DCUN1D5: variants seen among roughly 807,000 people sequenced by gnomAD.
DCUN1D5 encodes DCN1-like protein 5.
A neutral mutation model predicts 38.3 loss-of-function variants in DCUN1D5; 10 were observed. The observed-to-expected ratio is 0.26, with a 90% CI of 0.16 to 0.44. The LOEUF is 0.44. Among genes scored for constraint, DCUN1D5 ranks in the 20% least tolerant of loss-of-function variants. The pLI is 1.00. For missense variants in DCUN1D5, 148 were observed against 275.3 expected (o/e 0.54, Z 3.27); for synonymous variants, 93 against 90.9 (o/e 1.02, Z -0.13).
rs1862276188 is a variant in DCUN1D5 at position 103,071,662 on chromosome 11, T to C, written c.342-5095A>G. ...CTACATATGTAACAATTTTTCTACA[T>C]CAAAACTTGGATGAAATGGACCAAT... On this transcript the variant is annotated intron_variant, in intron 4 of 7. Transcript: ENST00000260247. The surrounding 1 kb of genome is among the most constrained non-coding windows in gnomAD (Gnocchi z 4.1). Among the ~76,000 whole-genome samples the C allele has an allele frequency of 6.6e-6, 1 of 150,998 alleles. No individual in the cohort carries two copies. The highest frequency in any genetic ancestry group is 2.4e-5 in the African/African-American group (1 of 41,298).
At chr11:103,082,569 G>A (rs1684318563) in intron 4 of DCUN1D5, among the ~76,000 whole-genome samples, 179 bp downstream of exon 4, 1 of 151,770 alleles carries the variant, frequency 6.6e-6, no homozygotes, top group African/African-American at 2.4e-5. Context: ...ATAAAACATG[G>A]GGTACCTATA....
rs557522612 is a variant in DCUN1D5 at position 103,059,569 on chromosome 11, A to G, written c.*2790T>C. 6.6e-6 allele frequency among the ~76,000 whole-genome samples: 1 copy of G among 152,296 alleles called. No individual in the cohort carries two copies. Among genetic ancestry groups the G allele is most frequent in the South Asian group, 2.1e-4 (1 of 4,830 alleles). On this transcript the variant is annotated 3_prime_UTR_variant, in exon 8 of 8. Transcript: ENST00000260247. The stretch of plus-strand genomic sequence containing the variant: ...CTACTGTCAAAAATGTATTATATCA[A>G]TAATTTTATCAGCAGCATTTAAGAA...
Position 103,066,491 on chromosome 11 carries a change from T to C in DCUN1D5, c.418A>G (p.Asn140Asp). ...AAATCAAAGGCATATCTGTAGATAT[T>C]CTTAAATGACGAAATATCATTCAAC... Reference protein sequence around the residue: ...SQLNDISSFKNIYRYAFDFAR... With the variant: ...SQLNDISSFKDIYRYAFDFAR... The change falls in exon 5 of 8, where the codon AAT (asparagine) becomes GAT (aspartate). Residue 140 changes from asparagine to aspartate, a missense_variant. Transcript: ENST00000260247. The surrounding 1 kb of genome is among the most constrained non-coding windows in gnomAD (Gnocchi z 4.7). 1 of 1,612,182 alleles carries C rather than the reference T, an allele frequency of 6.2e-7. No homozygotes were observed. Among genetic ancestry groups the C allele is most frequent in the Non-Finnish European group, 8.5e-7 (1 of 1,178,966 alleles).
chr11:103,060,321 G>T lies in DCUN1D5; in HGVS notation c.*2038C>A, dbSNP rs1028222966. Reference sequence around the variant, plus strand: ...TTTTCAGACTCAAAAAGTCTTAAAGGTATCTTTGGATAAGTATGCAAAGTA... The same window carrying T: ...TTTTCAGACTCAAAAAGTCTTAAAGTTATCTTTGGATAAGTATGCAAAGTA... On this transcript the variant is annotated 3_prime_UTR_variant, in exon 8 of 8. Transcript: ENST00000260247. 3.3e-5 allele frequency among the ~76,000 whole-genome samples: 5 copies of T among 152,136 alleles called. No homozygotes were observed. The highest frequency in any genetic ancestry group is 2.6e-4 in the Admixed American group (4 of 15,264).
intron 4 of DCUN1D5, among the ~76,000 whole-genome samples, chr11:103,068,929 T>G (rs1017756386): frequency 1.3e-5 from 2 of 152,198 alleles, no homozygotes; most frequent in Non-Finnish European, 2.9e-5. Flanking sequence ...AAGAACTGTT[T>G]TGAAGGAGTG....
rs1861851106 is a variant in DCUN1D5, at chr11:103,055,456, CTG to C, written c.*6901_*6902del. 6.6e-6 allele frequency: 1 copy of C among 152,088 alleles called. No homozygotes were observed. The highest frequency in any genetic ancestry group is 1.9e-4 in the East Asian group (1 of 5,196). 9.4% of individuals were successfully genotyped at this position (152,088 alleles called of 1,614,324 possible). On this transcript the variant is annotated 3_prime_UTR_variant, in exon 8 of 8. Transcript: ENST00000260247. ...ATGTTGTTATTCTTAATATAAAAAA[CTG>C]TATTACTTCAAAACAAAAACTTTAT...
chr11:103,072,426 A>G (rs1013069821), intron 4 of DCUN1D5, among the ~76,000 whole-genome samples: 2 of 150,612 alleles, frequency 1.3e-5, no homozygotes, highest in African/African-American at 4.9e-5. Context: ...TACCCAAAGG[A>G]TTATAAATCA....
In DCUN1D5 at chr11:103,073,340, CAA is replaced by C. The variant is rs1359955013; in HGVS notation, c.342-6775_342-6774del. ...CAATATCAGGAATATTAAGAGTATT[CAA>C]AGACTCAAAACAGTAAAAATGTCAA... On this transcript the variant is annotated intron_variant, in intron 4 of 7. Transcript: ENST00000260247. This position sits in a 1 kb window ranked among gnomAD's most constrained non-coding sequence, Gnocchi z 4.2. 1.3e-5 allele frequency among the ~76,000 whole-genome samples: 2 copies of C among 152,184 alleles called. No homozygotes were observed. The highest frequency in any genetic ancestry group is 3.9e-4 in the East Asian group (2 of 5,184).
In DCUN1D5 at chr11:103,091,919, T is replaced by A. The variant is rs372772599; in HGVS notation, c.-47A>T. On this transcript the variant is annotated 5_prime_UTR_variant, in exon 1 of 8. Coordinates refer to ENST00000260247, the MANE Select transcript of DCUN1D5 (RefSeq NM_032299.4). The surrounding 1 kb of genome is among the most constrained non-coding windows in gnomAD (Gnocchi z 4.3). ...TGGGCAGGGGAGCCGGGGAAGGGGGTCCCTGTCCGCTGGAAGCCCCTCAGC... is the reference window on the plus strand; with the variant it reads ...TGGGCAGGGGAGCCGGGGAAGGGGGACCCTGTCCGCTGGAAGCCCCTCAGC... 3.2e-5 allele frequency: 50 copies of A among 1,559,950 alleles called. No individual in the cohort carries two copies. The African/African-American group carries it at 6.5e-4, about 20-fold the overall frequency.
intron 4 of DCUN1D5, among the ~76,000 whole-genome samples, chr11:103,069,923 G>A (rs1862229632): frequency 6.6e-6 from 1 of 151,948 alleles, no homozygotes; most frequent in Non-Finnish European, 1.5e-5. Context: ...AAAATATCCA[G>A]GTTTCAATTT....
At chr11:103,068,900 T>A (rs1341286669) in intron 4 of DCUN1D5, among the ~76,000 whole-genome samples, 1 of 152,126 alleles carries the variant, frequency 6.6e-6, no homozygotes, top group African/African-American at 2.4e-5. Context: ...CAGTATTTAC[T>A]TGTATATGAC....
intron 4 of DCUN1D5, among the ~76,000 whole-genome samples, chr11:103,070,728 C>G (rs1487150223): frequency 6.6e-6 from 1 of 152,124 alleles, no homozygotes; most frequent in African/African-American, 2.4e-5. Context: ...CAGGATCTAG[C>G]TGAACTTAGT....
In DCUN1D5 at chr11:103,062,214, C is replaced by A; in HGVS notation, c.*145G>T. ...GCCCATCACATGTAACAAGAAAAAC[C>A]TCCTTTAAAAAAAGGAAAAAAAAGT... On this transcript the variant is annotated 3_prime_UTR_variant, in exon 8 of 8. Coordinates refer to ENST00000260247, the MANE Select transcript of DCUN1D5 (RefSeq NM_032299.4). This position sits in a 1 kb window ranked among gnomAD's most constrained non-coding sequence, Gnocchi z 4.6. 2 of 718,748 alleles carry A rather than the reference C, an allele frequency of 2.8e-6. No homozygotes were observed. The highest frequency in any genetic ancestry group is 2.4e-4 in the Middle Eastern group (1 of 4,142). The allele number at this position is 718,748 out of a possible 1,614,324, so 44.5% of individuals were successfully genotyped here.
rs1862060433 is a variant in DCUN1D5, at chr11:103,063,401, G to A, written c.658+874C>T. 6.6e-6 allele frequency among the ~76,000 whole-genome samples: 1 copy of A among 151,984 alleles called. No homozygotes were observed. The highest frequency in any genetic ancestry group is 2.4e-5 in the African/African-American group (1 of 41,396). On this transcript the variant is annotated intron_variant, in intron 7 of 7. Transcript: ENST00000260247. This position sits in a 1 kb window ranked among gnomAD's most constrained non-coding sequence, Gnocchi z 4.6. ...ATCTACGGGCCATATACAGCCTTTG[G>A]GCTGCCAGGTTACTGCTGCTAGGTA...
rs1861836662 is a variant in DCUN1D5 at position 103,054,933 on chromosome 11, G to A, written c.*7426C>T. 6.6e-6 allele frequency: 1 copy of A among 152,114 alleles called. No homozygotes were observed. The highest frequency in any genetic ancestry group is 1.5e-5 in the Non-Finnish European group (1 of 68,012). The allele number at this position is 152,114 out of a possible 1,614,324, so 9.4% of individuals were successfully genotyped here. On this transcript the variant is annotated 3_prime_UTR_variant, in exon 8 of 8. Transcript: ENST00000260247. ...AGAAACAACTGCATTCATTAATTGA[G>A]ATTGAATGTAGGTGCAGGTTGAATA...
Position 103,061,763 on chromosome 11 carries a change from G to T in DCUN1D5, c.*596C>A, listed in dbSNP as rs1446801824. 6.6e-6 allele frequency among the ~76,000 whole-genome samples: 1 copy of T among 152,008 alleles called. No homozygotes were observed. Among genetic ancestry groups the T allele is most frequent in the Admixed American group, 6.6e-5 (1 of 15,250 alleles). ...ATCTTTCCAATTCTAAGCTCTCTGA[G>T]ATAAGACATCTGCATAAGACCTTGG... On this transcript the variant is annotated 3_prime_UTR_variant, in exon 8 of 8. Coordinates refer to ENST00000260247, the MANE Select transcript of DCUN1D5 (RefSeq NM_032299.4).
intron 3 of DCUN1D5, 84 bp from the exon 4 acceptor site, chr11:103,082,923 C>T (rs1862602474): frequency 1.0e-6 from 1 of 999,394 alleles, no homozygotes; most frequent in Non-Finnish European, 1.6e-6. Flanking sequence ...AGCATTTTTA[C>T]ACAACTACTT....
Position 103,057,150 on chromosome 11 carries a change from T to A in DCUN1D5, c.*5209A>T, listed in dbSNP as rs1861895205. ...TTCTACATTTGTAGATAAAAGTAACTGTGTATGAACTTGCTCTAAGCCATT... is the reference window on the plus strand; with the variant it reads ...TTCTACATTTGTAGATAAAAGTAACAGTGTATGAACTTGCTCTAAGCCATT... On this transcript the variant is annotated 3_prime_UTR_variant, in exon 8 of 8. Transcript: ENST00000260247. This position sits in a 1 kb window ranked among gnomAD's most constrained non-coding sequence, Gnocchi z 4.8. Among the ~76,000 whole-genome samples, 3 of 152,188 alleles carry A rather than the reference T, an allele frequency of 2.0e-5. No homozygotes were observed. In the South Asian group the frequency reaches 6.2e-4, roughly 31 times the overall value.
chr11:103,066,463 G>A lies in DCUN1D5; in HGVS notation c.446C>T (p.Ala149Val). The change falls in exon 5 of 8, where the codon GCA (alanine) becomes GTA (valine). Residue 149 changes from alanine to valine, a missense_variant. Coordinates refer to ENST00000260247, the MANE Select transcript of DCUN1D5 (RefSeq NM_032299.4). The surrounding 1 kb of genome is among the most constrained non-coding windows in gnomAD (Gnocchi z 4.7). Reference protein sequence around the residue: ...KNIYRYAFDFARDKDQRSLDI... With the variant: ...KNIYRYAFDFVRDKDQRSLDI... ...AAACAAGAAAATTGCACCTACCCTT[G>A]CAAAATCAAAGGCATATCTGTAGAT... The A allele has an allele frequency of 6.2e-7, 1 of 1,602,588 alleles. No homozygotes were observed. Among genetic ancestry groups the A allele is most frequent in the South Asian group, 1.1e-5 (1 of 89,604 alleles).
Sources: allele counts gnomAD v4.1 joint callset (sites outside exome capture counted in the v4.1 genomes callset), GRCh38; gene constraint gnomAD v4.1.1; non-coding constraint Gnocchi (gnomAD v3.1); transcripts MANE v1.5; gene names NCBI Gene and HGNC (gene_info 2026-07-23, HGNC 2026-07-21).